CCNE1: variants seen among roughly 807,000 people sequenced by gnomAD.
CCNE1 encodes the protein cyclin E1.
In CCNE1, 8 loss-of-function variants were observed where a neutral mutation model predicts 54.1. The observed-to-expected ratio is 0.15, with a 90% CI of 0.09 to 0.27. The LOEUF (loss-of-function observed/expected upper bound fraction) is 0.27, where lower values mean the gene tolerates loss of function less well. Among genes scored for constraint, CCNE1 ranks in the 10% least tolerant of loss-of-function variants. The probability of loss-of-function intolerance (pLI) is 1.00; values close to 1 mark genes in which losing one functional copy is unlikely to be tolerated. For synonymous variants in CCNE1, 179 were observed against 185.2 expected (o/e 0.97, Z 0.27); for missense variants, 430 against 514.9 (o/e 0.84, Z 1.60).
At chr19:29,816,732 A>G (rs1238334989) in intron 4 of CCNE1, among the ~76,000 whole-genome samples, 1 of 152,192 alleles carries the variant, frequency 6.6e-6, no homozygotes, top group Non-Finnish European at 1.5e-5. Context: ...TTTAAGTTTT[A>G]GGGTACATGT....
At chr19:29,818,152 G>A (rs966301278) in intron 6 of CCNE1, among the ~76,000 whole-genome samples, 2 of 151,118 alleles carry the variant, frequency 1.3e-5, no homozygotes, top group African/African-American at 2.4e-5. Context: ...TCAGCCTCCC[G>A]AGTAGCTGGG....
In CCNE1 at chr19:29,821,677, T is replaced by TA. The variant is rs762952936; in HGVS notation, c.610-44dup. 33 of 1,121,084 alleles carry TA rather than the reference T, an allele frequency of 2.9e-5. No individual in the cohort carries two copies. The East Asian group carries it at 5.2e-4, about 18-fold the overall frequency. The allele number at this position is 1,121,084 out of a possible 1,614,324, so 69.4% of individuals were successfully genotyped here. A position where few individuals can be genotyped will look rare whatever the true frequency, so the allele number is the denominator to read the frequency against. ...TGGATGCATTATAAATTGAGACTGT[T>TA]AGAGATTGGCTTTGGTGCTAGTGCC... On this transcript the variant is annotated intron_variant, in intron 7 of 11. Coordinates refer to ENST00000262643, the MANE Select transcript of CCNE1 (RefSeq NM_001238.4).
At chr19:29,821,402 G>T (rs967113605) in intron 7 of CCNE1, among the ~76,000 whole-genome samples, 1 of 151,926 alleles carries the variant, frequency 6.6e-6, no homozygotes, top group African/African-American at 2.4e-5. Flanking sequence ...AAAAAGAAAA[G>T]ATTAAAAATT....
At chr19:29,815,729 A>G (rs1974000459) in intron 4 of CCNE1, among the ~76,000 whole-genome samples, 1 of 150,898 alleles carries the variant, frequency 6.6e-6, no homozygotes, top group South Asian at 2.1e-4. Flanking sequence ...CCCAGGTTCA[A>G]GTGATTCTCC....
At chr19:29,812,944 G>A (rs745947875) in intron 3 of CCNE1, 25 bp from the exon 4 acceptor site, 10 of 1,613,734 alleles carry the variant, frequency 6.2e-6, no homozygotes, top group Admixed American at 1.7e-5. Context: ...GTTTCCTTGG[G>A]GTCATGGGGG....
intron 11 of CCNE1, 57 bp from the exon 12 acceptor site, chr19:29,823,598 T>C: frequency 6.9e-7 from 1 of 1,449,418 alleles, no homozygotes; most frequent in South Asian, 1.5e-5. Context: ...CTATGGTAAT[T>C]GAAGCCCAAG....
At chr19:29,812,490 C>T (rs1973913140) in intron 1 of CCNE1, 42 bp from the exon 2 acceptor site, 1 of 1,241,996 alleles carries the variant, frequency 8.1e-7, no homozygotes, top group African/African-American at 1.6e-5. Context: ...ACTGGGCCCG[C>T]GGCCTGACCC....
At position 29,822,026 on chromosome 19, in the gene CCNE1, A is replaced by G. The variant is rs1430110442; in HGVS notation, c.736A>G (p.Ile246Val). 1.9e-5 allele frequency: 30 copies of G among 1,613,488 alleles called. No homozygotes were observed. The highest frequency in any genetic ancestry group is 2.3e-5 in the Non-Finnish European group (27 of 1,179,692). The change falls in exon 9 of 12, where the codon ATT becomes GTT. Residue 246 changes from isoleucine to valine, a missense_variant. Physicochemically the swap from Ile to Val is conservative, Grantham distance 29. This residue lies in a region of CCNE1 where 303 missense variants were observed against 401.1 expected (regional missense o/e 0.76). Coordinates refer to ENST00000262643, the MANE Select transcript of CCNE1 (RefSeq NM_001238.4). ...TAAGTGGCGTTTAAGTCCCCTGACT[A>G]TTGTGTCCTGGCTGAATGTATACAT... ...ALKWRLSPLT[I>V]VSWLNVYMQV...
chr19:29,818,080 G>A (rs1974068553), intron 6 of CCNE1, among the ~76,000 whole-genome samples: 1 of 146,284 alleles, frequency 6.8e-6, no homozygotes, highest in South Asian at 2.2e-4. Context: ...AGGCTAGAGT[G>A]CAGTGGTGCG....
In CCNE1 at chr19:29,812,804, G is replaced by C. The variant is rs749962010; in HGVS notation, c.111+28G>C. 25 of 1,521,572 alleles carry C rather than the reference G, an allele frequency of 1.6e-5. No individual in the cohort carries two copies. In the South Asian group the frequency reaches 2.5e-4, roughly 15 times the overall value. The allele number at this position is 1,521,572 out of a possible 1,614,324, so 94.3% of individuals were successfully genotyped here. A position where few individuals can be genotyped will look rare whatever the true frequency, so the allele number is the denominator to read the frequency against. On this transcript the variant is annotated intron_variant, in intron 3 of 11. Coordinates refer to ENST00000262643, the MANE Select transcript of CCNE1 (RefSeq NM_001238.4). ...GAGTACAAAAGAGACAGGTTGGGGAGCATCCCCCCCATCTCACCTGGGTAC... is the reference window on the plus strand; with the variant it reads ...GAGTACAAAAGAGACAGGTTGGGGACCATCCCCCCCATCTCACCTGGGTAC...
intron 4 of CCNE1, among the ~76,000 whole-genome samples, chr19:29,814,781 C>T (rs1973973410): frequency 6.6e-6 from 1 of 152,138 alleles, no homozygotes; most frequent in Non-Finnish European, 1.5e-5. Flanking sequence ...CACATGGAAG[C>T]TTTTTAATTT....
At chr19:29,819,767 G>GT (rs1974107651) in intron 6 of CCNE1, among the ~76,000 whole-genome samples, 1 of 152,236 alleles carries the variant, frequency 6.6e-6, no homozygotes, top group African/African-American at 2.4e-5. Flanking sequence ...AGACAACCTT[G>GT]TAAGACTTGA....
At chr19:29,819,350 A>ACAGTAGC (rs777354295) in intron 6 of CCNE1, among the ~76,000 whole-genome samples, 1 of 150,234 alleles carries the variant, frequency 6.7e-6, no homozygotes, top group African/African-American at 2.4e-5. Flanking sequence ...TGGTGCAGTC[A>ACAGTAGC]CGGCTCACTG....
rs2145729222 is a variant in CCNE1, at chr19:29,822,272, C to T, written c.873C>T (p.Cys291=). 1 of 1,614,006 alleles carries T rather than the reference C, an allele frequency of 6.2e-7. No homozygotes were observed. Among genetic ancestry groups the T allele is most frequent in the Non-Finnish European group, 8.5e-7 (1 of 1,179,954 alleles). Residue 291 remains cysteine (C), a synonymous_variant, in exon 10 of 12, where the codon TGC becomes TGT. Transcript: ENST00000262643. The part of the protein sequence containing the change: ...LLDLCVLDVD[C]LEFPYGILAA... ...ATCTCTGTGTCCTGGATGTTGACTG[C>T]CTTGAATTTCCTTATGGTATACTTG...
intron 4 of CCNE1, among the ~76,000 whole-genome samples, chr19:29,815,188 C>G (rs191849934): frequency 6.6e-6 from 1 of 152,242 alleles, no homozygotes; most frequent in Non-Finnish European, 1.5e-5. Flanking sequence ...TGTCCAAAGG[C>G]CTGCTCTCAG....
chr19:29,818,187 T>C (rs934111082), intron 6 of CCNE1, among the ~76,000 whole-genome samples: 3 of 152,026 alleles, frequency 2.0e-5, no homozygotes, highest in South Asian at 2.1e-4. Context: ...CCACCACGTC[T>C]GGCTAATTTT....
At chr19:29,812,649 C>G (rs756886125) in intron 2 of CCNE1, 40 bp from the exon 3 acceptor site, 1 of 1,559,676 alleles carries the variant, frequency 6.4e-7, no homozygotes, top group South Asian at 1.2e-5. Flanking sequence ...GAGGGGCGGC[C>G]GCGGGTGCTC....
At chr19:29,813,602 T>C (rs1392164758) in intron 4 of CCNE1, among the ~76,000 whole-genome samples, 3 of 152,190 alleles carry the variant, frequency 2.0e-5, no homozygotes, top group Non-Finnish European at 4.4e-5. Context: ...ATTACCTGCA[T>C]TGATCCCCAG....
intron 6 of CCNE1, among the ~76,000 whole-genome samples, chr19:29,818,592 C>T (rs949251390): frequency 6.6e-6 from 1 of 152,288 alleles, no homozygotes; most frequent in South Asian, 2.1e-4. Flanking sequence ...TTCTTGGAAT[C>T]CATTCCCTTT....
Sources: gnomAD v4.1 joint callset for allele counts (sites outside exome capture counted in the v4.1 genomes callset) on GRCh38, gnomAD v4.1.1 for gene constraint, gnomAD v4.1.1 regional missense constraint, MANE v1.5 for transcripts, NCBI Gene and HGNC (gene_info 2026-07-23, HGNC 2026-07-21) for gene names.